The following SLC22A14 variants were observed in gnomAD, a reference collection of about 807,000 sequenced individuals.
The protein encoded by SLC22A14 is organic cation transporter-like 4.
SLC22A14 carries 50 observed loss-of-function variants against 53.9 expected under a neutral mutation model. The ratio of observed to expected loss-of-function variants is 0.93; its 90% confidence interval spans 0.74 to 1.17. SLC22A14 has a LOEUF of 1.17. Among genes scored for constraint, SLC22A14 ranks in the 50% most tolerant of loss-of-function variants. The pLI is 0.00. For missense variants in SLC22A14, 671 were observed against 734.7 expected, an observed-to-expected ratio of 0.91 and a Z score of 1.00; for synonymous variants, 312 against 303.0, an observed-to-expected ratio of 1.03 and a Z score of -0.31.
chr3:38,296,034 A>G (rs1289107555), intron 1 of SLC22A14, among the ~76,000 whole-genome samples: 4 of 152,188 alleles, frequency 2.6e-5, no homozygotes, highest in Non-Finnish European at 1.5e-5. Context: ...TGCTAGAGGA[A>G]ATGAAAGTCT....
Position 38,309,064 on chromosome 3 carries a change from T to C in SLC22A14, c.886T>C (p.Trp296Arg). 1 of 1,614,070 alleles carries C rather than the reference T, an allele frequency of 6.2e-7. No homozygotes were observed. The highest frequency in any genetic ancestry group is 8.5e-7 in the Non-Finnish European group (1 of 1,179,886). ...LTGIAYSLPH[W>R]QLLFLVGGIL... The stretch of plus-strand genomic sequence containing the variant: ...AGGGATCGCCTACAGTCTTCCCCAC[T>C]GGCAGCTGCTGTTTCTGGTGGGTGG... Residue 296 changes from tryptophan (W) to arginine (R), a missense_variant, in exon 5 of 11, where the codon TGG becomes CGG. Physicochemically the swap from Trp to Arg is moderately radical, Grantham distance 101. Coordinates refer to ENST00000448498, the MANE Select transcript of SLC22A14 (RefSeq NM_001320033.2).
chr3:38,307,819 A>G lies in SLC22A14; in HGVS notation c.775+99A>G. ...ATAGTGGCAGGGGGCGTGGCGGCATAGGCAGATGGCAAGGGGGCGTGGTGT... is the reference window on the plus strand; with the variant it reads ...ATAGTGGCAGGGGGCGTGGCGGCATGGGCAGATGGCAAGGGGGCGTGGTGT... On this transcript the variant is annotated intron_variant, in intron 4 of 10. Coordinates refer to ENST00000448498, the MANE Select transcript of SLC22A14 (RefSeq NM_001320033.2). This position sits in a 1 kb window ranked among gnomAD's most constrained non-coding sequence, Gnocchi z 4.4. The G allele has an allele frequency of 1.5e-6, 2 of 1,346,084 alleles. No individual in the cohort carries two copies. Among genetic ancestry groups the G allele is most frequent in the Non-Finnish European group, 2.1e-6 (2 of 962,298 alleles). The allele number at this position is 1,346,084 out of a possible 1,614,324, so 83.4% of individuals were successfully genotyped here.
chr3:38,309,782 G>T (rs377428875), intron 5 of SLC22A14, among the ~76,000 whole-genome samples: 1 of 152,148 alleles, frequency 6.6e-6, no homozygotes, highest in Non-Finnish European at 1.5e-5. Context: ...AAGGCAGAGA[G>T]GGAGGTGAGA....
intron 5 of SLC22A14, among the ~76,000 whole-genome samples, chr3:38,312,362 T>TA (rs369651083): frequency 6.1e-4 from 93 of 152,314 alleles, no homozygotes; most frequent in African/African-American, 2.2e-3. Flanking sequence ...TTTTCACACA[T>TA]ACGTGCTTTT....
At chr3:38,299,731 T>C (rs1291609467) in intron 1 of SLC22A14, among the ~76,000 whole-genome samples, 1 of 152,152 alleles carries the variant, frequency 6.6e-6, no homozygotes, top group Non-Finnish European at 1.5e-5. Flanking sequence ...CCTGGTTAAT[T>C]ATTTTATATT....
chr3:38,316,746 G>T (rs1027056594), intron 10 of SLC22A14, among the ~76,000 whole-genome samples: 1 of 152,170 alleles, frequency 6.6e-6, no homozygotes, highest in Non-Finnish European at 1.5e-5. Context: ...CTCCTGACCC[G>T]GACTGGGCCA....
At chr3:38,287,175 CATTTTT>C (rs1703813552) in intron 1 of SLC22A14, among the ~76,000 whole-genome samples, 1 of 151,982 alleles carries the variant, frequency 6.6e-6, no homozygotes, top group Non-Finnish European at 1.5e-5. Context: ...TTAAGATTTT[CATTTTT>C]AAGTTTTGTC....
intron 1 of SLC22A14, among the ~76,000 whole-genome samples, chr3:38,304,719 A>G (rs1477656626): frequency 6.6e-6 from 1 of 152,008 alleles, no homozygotes. Flanking sequence ...GATTTTCAAG[A>G]TCTTTTCTTT....
intron 1 of SLC22A14, among the ~76,000 whole-genome samples, chr3:38,290,730 C>T (rs1319682288): frequency 1.3e-5 from 2 of 152,152 alleles, no homozygotes; most frequent in African/African-American, 4.8e-5. Context: ...CATGAGGTTC[C>T]CTATTCTATT....
chr3:38,307,474 A>G lies in SLC22A14; in HGVS notation c.621-92A>G. ...GAGGGTAGGGGTTCTCCAGGGACCC[A>G]TGGATGGCTCAGGGCCTGGCCCAGG... On this transcript the variant is annotated intron_variant, in intron 3 of 10. Transcript: ENST00000448498. This position sits in a 1 kb window ranked among gnomAD's most constrained non-coding sequence, Gnocchi z 4.4. 1 of 1,573,766 alleles carries G rather than the reference A, an allele frequency of 6.4e-7. No homozygotes were observed. The highest frequency in any genetic ancestry group is 1.1e-5 in the South Asian group (1 of 89,528).
At chr3:38,316,214 G>A in intron 9 of SLC22A14, 110 bp from the exon 10 acceptor site, 2 of 913,366 alleles carry the variant, frequency 2.2e-6, no homozygotes, top group Non-Finnish European at 3.5e-6. Context: ...CACACAATGA[G>A]GATGGGACAG....
At position 38,307,291 on chromosome 3, in the gene SLC22A14, C is replaced by G; in HGVS notation, c.554C>G (p.Thr185Ser). Residue 185 changes from threonine to serine, a missense_variant, in exon 3 of 11, where the codon ACT becomes AGT. Transcript: ENST00000448498. The surrounding 1 kb of genome is among the most constrained non-coding windows in gnomAD (Gnocchi z 4.4). ...LVCGMETKKDTAQIMFMAGLP... is the reference protein window; with the variant it reads ...LVCGMETKKDSAQIMFMAGLP... ...TGTGGCATGGAGACGAAGAAGGACA[C>G]TGCACAGATCATGTTCATGGCAGGG... 1.2e-6 allele frequency: 2 copies of G among 1,614,138 alleles called. No individual in the cohort carries two copies. The highest frequency in any genetic ancestry group is 1.7e-6 in the Non-Finnish European group (2 of 1,179,954).
At chr3:38,293,589 C>T (rs1703959980) in intron 1 of SLC22A14, among the ~76,000 whole-genome samples, 2 of 152,198 alleles carry the variant, frequency 1.3e-5, no homozygotes, top group East Asian at 3.8e-4. Flanking sequence ...TTCCTCAATG[C>T]CTCCCTTAGT....
intron 2 of SLC22A14, 134 bp downstream of exon 2, chr3:38,306,676 G>C (rs892957446): frequency 8.3e-6 from 7 of 838,398 alleles, no homozygotes; most frequent in Non-Finnish European, 5.6e-6. Flanking sequence ...GCAGAGGCAG[G>C]GTCTGGGCAG....
intron 1 of SLC22A14, among the ~76,000 whole-genome samples, chr3:38,282,834 C>G (rs762178813): frequency 2.0e-5 from 3 of 152,186 alleles, no homozygotes; most frequent in Non-Finnish European, 2.9e-5. Flanking sequence ...GGAAAGTCTC[C>G]TTTATCCACC....
chr3:38,306,310 A>G lies in SLC22A14; in HGVS notation c.284A>G (p.Lys95Arg). The change falls in exon 2 of 11, where the codon AAG becomes AGG. Residue 95 changes from lysine (K) to arginine (R), a missense_variant. Lys to Arg is a conservative substitution (Grantham distance 26). Transcript: ENST00000448498. The part of the protein sequence containing the change: ...FADHFVFTAQ[K>R]PYCNTSWILA... ...GACCACTTCGTGTTCACAGCCCAGAAGCCCTATTGCAATACCAGCTGGATC... is the reference window on the plus strand; with the variant it reads ...GACCACTTCGTGTTCACAGCCCAGAGGCCCTATTGCAATACCAGCTGGATC... 6.2e-7 allele frequency: 1 copy of G among 1,614,168 alleles called. No homozygotes were observed. The highest frequency in any genetic ancestry group is 1.3e-5 in the African/African-American group (1 of 75,034).
intron 2 of SLC22A14, among the ~76,000 whole-genome samples, chr3:38,306,825 A>G (rs1240522487): frequency 6.6e-6 from 1 of 152,226 alleles, no homozygotes; most frequent in Non-Finnish European, 1.5e-5. Context: ...CTCAGAACTC[A>G]CAAAAAATAG....
Position 38,309,132 on chromosome 3 carries a change from C to T in SLC22A14, c.944+10C>T, listed in dbSNP as rs376347316. 1.4e-5 allele frequency: 23 copies of T among 1,611,730 alleles called. No individual in the cohort carries two copies. The highest frequency in any genetic ancestry group is 4.4e-5 in the South Asian group (4 of 90,964). ...TCATCTCCTATATCTGGTGAGCAAGCGAGTACCGGGCATGTACAGGGCTGG... is the reference window on the plus strand; with the variant it reads ...TCATCTCCTATATCTGGTGAGCAAGTGAGTACCGGGCATGTACAGGGCTGG... On this transcript the variant is annotated intron_variant, in intron 5 of 10. Transcript: ENST00000448498.
At position 38,306,473 on chromosome 3, in the gene SLC22A14, C is replaced by G. The variant is rs1293184192; in HGVS notation, c.447C>G (p.Leu149=). ...WNLDSIIQFG[L]NDTDTCQDGW... is the part of the protein sequence containing the mutation. ...TGGATTCTATCATCCAGTTTGGCCT[C>G]AATGACACAGACACATGCCAAGATG... Residue 149 remains leucine, a synonymous_variant, in exon 2 of 11, where the codon CTC becomes CTG. Coordinates refer to ENST00000448498, the MANE Select transcript of SLC22A14 (RefSeq NM_001320033.2). The G allele has an allele frequency of 6.2e-7, 1 of 1,614,174 alleles. No individual in the cohort carries two copies. Among genetic ancestry groups the G allele is most frequent in the Admixed American group, 1.7e-5 (1 of 60,020 alleles).
Sources: gnomAD v4.1 joint callset for allele counts (sites outside exome capture counted in the v4.1 genomes callset) on GRCh38, gnomAD v4.1.1 for gene constraint, Gnocchi (gnomAD v3.1) non-coding constraint, MANE v1.5 for transcripts, NCBI Gene and HGNC (gene_info 2026-07-23, HGNC 2026-07-21) for gene names.